LARGE1: variants seen among roughly 807,000 people sequenced by gnomAD.
LARGE1 encodes LARGE xylosyl- and glucuronyltransferase 1.
In LARGE1, 43 loss-of-function variants were observed where a neutral mutation model predicts 87.6. That is an observed-to-expected ratio of 0.49 (90% confidence interval 0.38 to 0.63). The LOEUF is 0.63. Among genes scored for constraint, LARGE1 ranks in the 30% least tolerant of loss-of-function variants. LARGE1 has a pLI of 0.00. For synonymous variants in LARGE1, 434 were observed against 394.6 expected (o/e 1.10, Z -1.18); for missense variants, 802 against 1,000.2 (o/e 0.80, Z 2.67).
intron 2 of LARGE1, among the ~76,000 whole-genome samples, chr22:33,735,699 G>A (rs1352354088): frequency 6.6e-6 from 1 of 152,134 alleles, no homozygotes; most frequent in Non-Finnish European, 1.5e-5. Flanking sequence ...GTACATTTCA[G>A]TGGTTTTTAG....
chr22:33,897,271 CT>C (rs1569020246), intron 1 of LARGE1, among the ~76,000 whole-genome samples: 1 of 152,216 alleles, frequency 6.6e-6, no homozygotes, highest in Non-Finnish European at 1.5e-5. Context: ...CAAGCCCATT[CT>C]TTTGCAAAAA....
At chr22:33,162,482 A>G (rs1220907372) in exon 12 of LARGE1, 2 of 152,220 alleles carry the variant, frequency 1.3e-5, no homozygotes, top group Admixed American at 1.3e-4. Context: ...CGTGGGGATG[A>G]TGGGAACTAC....
intron 1 of LARGE1, among the ~76,000 whole-genome samples, chr22:33,860,809 C>T (rs979533331): frequency 6.6e-6 from 1 of 152,192 alleles, no homozygotes; most frequent in African/African-American, 2.4e-5. Flanking sequence ...ACTCCAGCTG[C>T]CCACAACAAC....
intron 12 of LARGE1, among the ~76,000 whole-genome samples, chr22:33,290,793 C>T (rs1278132217): frequency 3.3e-5 from 5 of 152,150 alleles, no homozygotes; most frequent in Non-Finnish European, 7.3e-5. Context: ...AATCCCAGCA[C>T]TTTGGGAGGC....
intron 12 of LARGE1, among the ~76,000 whole-genome samples, chr22:33,299,312 G>T (rs955554166): frequency 6.6e-6 from 1 of 151,974 alleles, no homozygotes; most frequent in Non-Finnish European, 1.5e-5. Flanking sequence ...GAAAGGAGTG[G>T]AGGGGAGGGG....
chr22:33,282,142 C>A (rs1344430784), intron 13 of LARGE1, among the ~76,000 whole-genome samples: 3 of 152,084 alleles, frequency 2.0e-5, no homozygotes, highest in Non-Finnish European at 4.4e-5. Flanking sequence ...GTCAGGAGTT[C>A]GAGACCAGCC....
At chr22:33,334,492 T>C (rs1938190693) in intron 10 of LARGE1, among the ~76,000 whole-genome samples, 1 of 150,012 alleles carries the variant, frequency 6.7e-6, no homozygotes, top group Admixed American at 6.6e-5. Context: ...GATTACTTTG[T>C]GTGGGGGTAG....
chr22:33,318,545 A>G (rs1936403346), intron 10 of LARGE1, among the ~76,000 whole-genome samples: 1 of 151,696 alleles, frequency 6.6e-6, no homozygotes, highest in East Asian at 2.0e-4. Context: ...AGTCTTTGCT[A>G]TTGTAGTCAC....
intron 9 of LARGE1, among the ~76,000 whole-genome samples, chr22:33,362,326 T>C (rs2146905936): frequency 6.7e-6 from 1 of 149,766 alleles, no homozygotes; most frequent in South Asian, 2.2e-4. Flanking sequence ...ATTTTCTCAA[T>C]AATGTAACTG....
At chr22:33,840,207 G>A (rs988985563) in intron 1 of LARGE1, among the ~76,000 whole-genome samples, 1 of 152,076 alleles carries the variant, frequency 6.6e-6, no homozygotes, top group Non-Finnish European at 1.5e-5. Flanking sequence ...AAGCAGCACT[G>A]CACCAAATCG....
At chr22:33,736,343 G>C (rs1199143120) in intron 2 of LARGE1, among the ~76,000 whole-genome samples, 2 of 152,170 alleles carry the variant, frequency 1.3e-5, no homozygotes, top group East Asian at 3.8e-4. Context: ...TGAGTGTGAA[G>C]TGGTATACCA....
chr22:33,890,396 T>A (rs80024065), intron 1 of LARGE1, among the ~76,000 whole-genome samples: 3 of 151,942 alleles, frequency 2.0e-5, no homozygotes, highest in Non-Finnish European at 4.4e-5. Context: ...AAAAAAAAAA[T>A]GAGCTTTTCT....
intron 6 of LARGE1, among the ~76,000 whole-genome samples, chr22:33,434,997 T>C (rs1428821276): frequency 6.6e-6 from 1 of 152,184 alleles, no homozygotes; most frequent in Non-Finnish European, 1.5e-5. Flanking sequence ...TTTGTTTGTT[T>C]GTTTGCTTTG....
At position 33,273,563 on chromosome 22, in the gene LARGE1, T is replaced by C. The variant is rs1412221603; in HGVS notation, c.*864A>G. 2.5e-6 allele frequency: 1 copy of C among 398,512 alleles called. No homozygotes were observed. The highest frequency in any genetic ancestry group is 1.3e-4 in the South Asian group (1 of 7,856). The allele number at this position is 398,512 out of a possible 1,614,324, so 24.7% of individuals were successfully genotyped here. A position where few individuals can be genotyped will look rare whatever the true frequency, so the allele number is the denominator to read the frequency against. On this transcript the variant is annotated 3_prime_UTR_variant, in exon 15 of 15. Transcript: ENST00000397394. ...GTGTAAAACAGCCAGCCCTCGTAAT[T>C]CCGCAGTCCCCATCGCTATAGCCCC...
chr22:33,175,765 AGT>A (rs1051719968), intron 11 of LARGE1, among the ~76,000 whole-genome samples: 1 of 152,206 alleles, frequency 6.6e-6, no homozygotes, highest in Non-Finnish European at 1.5e-5. Context: ...ATCCCCATCA[AGT>A]TACCATTGAC....
At position 33,696,964 on chromosome 22, in the gene LARGE1, G is replaced by C. The variant is rs539624174; in HGVS notation, c.107-46296C>G. Among the ~76,000 whole-genome samples the C allele has an allele frequency of 3.3e-5, 5 of 152,128 alleles. No homozygotes were observed. The East Asian group carries it at 9.7e-4, about 30-fold the overall frequency. ...ATCCTCTCTCATTTACAATAGGATTGCCTTAAATATTTCCCTTACATACAT... is the reference window on the plus strand; with the variant it reads ...ATCCTCTCTCATTTACAATAGGATTCCCTTAAATATTTCCCTTACATACAT... On this transcript the variant is annotated intron_variant, in intron 2 of 14. Coordinates refer to ENST00000397394, the MANE Select transcript of LARGE1 (RefSeq NM_133642.5).
chr22:33,771,523 A>G (rs1445673764), intron 1 of LARGE1, among the ~76,000 whole-genome samples: 1 of 151,970 alleles, frequency 6.6e-6, no homozygotes, highest in Non-Finnish European at 1.5e-5. Context: ...TTTTTTCTCA[A>G]ACCTCTTCCT....
chr22:33,081,439 A>T, the LARGE1 span, among the ~76,000 whole-genome samples: 18 of 152,300 alleles, frequency 1.2e-4, no homozygotes, highest in South Asian at 3.7e-3. Flanking sequence ...TAAGTAAAAG[A>T]CTGAGGCAGG....
At chr22:33,596,253 G>T (rs1056636866) in intron 5 of LARGE1, among the ~76,000 whole-genome samples, 38 of 152,290 alleles carry the variant, frequency 2.5e-4, no homozygotes, top group Middle Eastern at 3.4e-3. Flanking sequence ...ATTAGAGTTT[G>T]CATTCATTGT....
Sources: allele counts gnomAD v4.1 joint callset (sites outside exome capture counted in the v4.1 genomes callset), GRCh38; gene constraint gnomAD v4.1.1; transcripts MANE v1.5; gene names NCBI Gene and HGNC (gene_info 2026-07-23, HGNC 2026-07-21).